Variants in TRIP10 observed in about 807,000 individuals in gnomAD.
The protein encoded by TRIP10 is thyroid hormone receptor interactor 10, also known as cdc42-interacting protein 4.
TRIP10 carries 54 observed loss-of-function variants against 80.9 expected under a neutral mutation model. The observed-to-expected ratio is 0.67, with a 90% confidence interval of 0.54 to 0.84. The LOEUF is 0.84. Ranked by LOEUF, TRIP10 falls within the 40% of genes least tolerant of loss-of-function variation. TRIP10 has a pLI of 0.00. For synonymous variants in TRIP10, 321 were observed against 307.2 expected (o/e 1.04, Z -0.47); for missense variants, 773 against 815.3 (o/e 0.95, Z 0.63).
Position 6,750,378 on chromosome 19 carries a change from T to TA in TRIP10, c.1483dup (p.Ser495LysfsTer20), listed in dbSNP as rs1969253707. Reference sequence around the variant, plus strand: ...ACGCCCGGCCTCCCGACCCCCCCGCTAGCGCCCCGCCAGACAGCAGCAGCA... The same window carrying TA: ...ACGCCCGGCCTCCCGACCCCCCCGCTAAGCGCCCCGCCAGACAGCAGCAGCA... On this transcript the variant is annotated frameshift_variant, in exon 13 of 15. Coordinates refer to ENST00000313244, the MANE Select transcript of TRIP10 (RefSeq NM_001288962.2). LOFTEE classifies it high-confidence loss of function. 1 of 1,613,810 alleles carries TA rather than the reference T, an allele frequency of 6.2e-7. No individual in the cohort carries two copies. The highest frequency in any genetic ancestry group is 1.1e-5 in the South Asian group (1 of 91,058).
In TRIP10 at chr19:6,740,991, C is replaced by T. The variant is rs1905106127; in HGVS notation, c.25-19C>T. ...ACCCCGGCCCCTCTCCCCTCCTCCC[C>T]CACCATGTCCCATGTCAGGATCAGT... is the stretch of plus-strand genomic sequence containing the variant. On this transcript the variant is annotated intron_variant, in intron 1 of 14. Transcript: ENST00000313244. The T allele has an allele frequency of 1.2e-6, 2 of 1,606,916 alleles. No homozygotes were observed. Among genetic ancestry groups the T allele is most frequent in the African/African-American group, 2.7e-5 (2 of 74,942 alleles).
rs1356489044 is a variant in TRIP10 at position 6,739,728 on chromosome 19, C to A, written c.-34C>A. ...GGCGGCGGGCGGCGGGGACCGGGTG[C>A]GGTGGTGGCTGCGGCGGCGGCGGCG... On this transcript the variant is annotated 5_prime_UTR_variant, in exon 1 of 15. Coordinates refer to ENST00000313244, the MANE Select transcript of TRIP10 (RefSeq NM_001288962.2). 4 of 1,341,688 alleles carry A rather than the reference C, an allele frequency of 3.0e-6. No individual in the cohort carries two copies. The highest frequency in any genetic ancestry group is 2.2e-5 in the South Asian group (1 of 46,364). The allele number at this position is 1,341,688 out of a possible 1,614,324, so 83.1% of individuals were successfully genotyped here. A position where few individuals can be genotyped will look rare whatever the true frequency, so the allele number is the denominator to read the frequency against.
rs1204214403 is a variant in TRIP10 at position 6,746,013 on chromosome 19, C to T, written c.985-16C>T. 37 of 1,017,644 alleles carry T rather than the reference C, an allele frequency of 3.6e-5. No homozygotes were observed. The highest frequency in any genetic ancestry group is 1.2e-4 in the East Asian group (3 of 25,868). The allele number at this position is 1,017,644 out of a possible 1,614,324, so 63.0% of individuals were successfully genotyped here. The stretch of plus-strand genomic sequence containing the variant: ...CACCCCTTCAACCTATCCCCCTCCC[C>T]GGCCCCCGCCGGTAGCCTCGCCCCC... On this transcript the variant is annotated splice_polypyrimidine_tract_variant and intron_variant, in intron 9 of 14. Transcript: ENST00000313244. The surrounding 1 kb of genome is among the most constrained non-coding windows in gnomAD (Gnocchi z 6.2).
Position 6,745,121 on chromosome 19 carries a change from CA to C in TRIP10, c.984+128del. The C allele has an allele frequency of 7.7e-7, 1 of 1,303,866 alleles. No individual in the cohort carries two copies. Among genetic ancestry groups the C allele is most frequent in the Non-Finnish European group, 1.0e-6 (1 of 984,180 alleles). The allele number at this position is 1,303,866 out of a possible 1,614,324, so 80.8% of individuals were successfully genotyped here. Reference sequence around the variant, plus strand: ...GGGCAGGAATTTTCCTCTTGGCTGCCAGCCCGGACTGGAGGGAAGGAAGGCG... The same window carrying C: ...GGGCAGGAATTTTCCTCTTGGCTGCCGCCCGGACTGGAGGGAAGGAAGGCG... On this transcript the variant is annotated intron_variant, in intron 9 of 14. Coordinates refer to ENST00000313244, the MANE Select transcript of TRIP10 (RefSeq NM_001288962.2). The surrounding 1 kb of genome is among the most constrained non-coding windows in gnomAD (Gnocchi z 7.2).
rs779956399 is a variant in TRIP10, at chr19:6,744,930, G to A, written c.920G>A (p.Arg307Gln). The A allele has an allele frequency of 2.0e-5, 33 of 1,614,012 alleles. No individual in the cohort carries two copies. The highest frequency in any genetic ancestry group is 8.3e-5 in the Admixed American group (5 of 60,008). Residue 307 changes from arginine to glutamine, a missense_variant, in exon 9 of 15, where the codon CGG becomes CAG. By Grantham distance (43) the Arg-to-Gln change is conservative. Transcript: ENST00000313244. The surrounding 1 kb of genome is among the most constrained non-coding windows in gnomAD (Gnocchi z 4.9). ...DSSLGTPSDGRPELRGPGRSR... is the reference protein window; with the variant it reads ...DSSLGTPSDGQPELRGPGRSR... ...AGTCTGGGCACCCCCTCGGATGGAC[G>A]GCCTGAACTCCGAGGCCCGGGTCGC...
At chr19:6,750,738 G>A (rs918011045) in intron 14 of TRIP10, 105 bp downstream of exon 14, 2 of 1,501,690 alleles carry the variant, frequency 1.3e-6, no homozygotes, top group Non-Finnish European at 1.8e-6. Context: ...GCTCAGGCTT[G>A]TAATCCCAGC....
At position 6,744,457 on chromosome 19, in the gene TRIP10, G is replaced by C; in HGVS notation, c.643-97G>C. ...CCCCTCCAGACTGGCTTGGGGCTGG[G>C]GCCAGCGTGGAGCGCGATCATATTT... On this transcript the variant is annotated intron_variant, in intron 7 of 14. Coordinates refer to ENST00000313244, the MANE Select transcript of TRIP10 (RefSeq NM_001288962.2). The surrounding 1 kb of genome is among the most constrained non-coding windows in gnomAD (Gnocchi z 4.9). 1 of 1,544,678 alleles carries C rather than the reference G, an allele frequency of 6.5e-7. No individual in the cohort carries two copies. Among genetic ancestry groups the C allele is most frequent in the Non-Finnish European group, 8.8e-7 (1 of 1,138,760 alleles).
Position 6,746,250 on chromosome 19 carries a change from G to C in TRIP10, c.1152+54G>C. On this transcript the variant is annotated intron_variant, in intron 10 of 14. Transcript: ENST00000313244. The surrounding 1 kb of genome is among the most constrained non-coding windows in gnomAD (Gnocchi z 6.2). ...TGGTGGCCCTAGCCTGCCCAGCGGC[G>C]GGTGGCGGGACCCTGGGCTCGCTTC... is the stretch of plus-strand genomic sequence containing the variant. 1 of 1,484,358 alleles carries C rather than the reference G, an allele frequency of 6.7e-7. No homozygotes were observed. The highest frequency in any genetic ancestry group is 9.0e-7 in the Non-Finnish European group (1 of 1,111,656). 91.9% of individuals were successfully genotyped at this position (1,484,358 alleles called of 1,614,324 possible). A position where few individuals can be genotyped will look rare whatever the true frequency, so the allele number is the denominator to read the frequency against.
rs968285929 is a variant in TRIP10 at position 6,745,271 on chromosome 19, C to G, written c.984+277C>G. On this transcript the variant is annotated intron_variant, in intron 9 of 14. Transcript: ENST00000313244. The surrounding 1 kb of genome is among the most constrained non-coding windows in gnomAD (Gnocchi z 7.2). ...GAAAACCTGCTGGTGGAATTCAGGG[C>G]TGGCCTGAGGGCTGGTGACACCATC... The G allele has an allele frequency of 5.9e-6, 3 of 505,416 alleles. No individual in the cohort carries two copies. Among genetic ancestry groups the G allele is most frequent in the African/African-American group, 5.9e-5 (3 of 51,226 alleles). The allele number at this position is 505,416 out of a possible 1,614,324, so 31.3% of individuals were successfully genotyped here. A position where few individuals can be genotyped will look rare whatever the true frequency, so the allele number is the denominator to read the frequency against.
chr19:6,746,363 G>A lies in TRIP10; in HGVS notation c.1153-89G>A. ...GGCTTCGCTGTCAAGAACCATGGCT[G>A]GGGAAGGGAGTGAAATATCTCAGAC... On this transcript the variant is annotated intron_variant, in intron 10 of 14. Coordinates refer to ENST00000313244, the MANE Select transcript of TRIP10 (RefSeq NM_001288962.2). The surrounding 1 kb of genome is among the most constrained non-coding windows in gnomAD (Gnocchi z 6.2). 6.4e-7 allele frequency: 1 copy of A among 1,563,566 alleles called. No individual in the cohort carries two copies. The highest frequency in any genetic ancestry group is 1.3e-5 in the African/African-American group (1 of 74,392).
rs1188281959 is a variant in TRIP10, at chr19:6,742,973, C to T, written c.204C>T (p.Ser68=). 1 of 1,613,976 alleles carries T rather than the reference C, an allele frequency of 6.2e-7. No homozygotes were observed. Among genetic ancestry groups the T allele is most frequent in the South Asian group, 1.1e-5 (1 of 91,036 alleles). ...PAKDDPESKF[S]QQQSFVQILQ... ...GATTCTCATCCAACCCCAGATTCAG[C>T]CAGCAACAGTCCTTCGTACAGATTC... The change falls in exon 4 of 15, where the codon AGC becomes AGT. Residue 68 remains serine, a synonymous_variant. Transcript: ENST00000313244.
chr19:6,745,127 G>C lies in TRIP10; in HGVS notation c.984+133G>C, dbSNP rs1812397. ...GAATTTTCCTCTTGGCTGCCAGCCC[G>C]GACTGGAGGGAAGGAAGGCGGCCGA... is the stretch of plus-strand genomic sequence containing the variant. On this transcript the variant is annotated intron_variant, in intron 9 of 14. Coordinates refer to ENST00000313244, the MANE Select transcript of TRIP10 (RefSeq NM_001288962.2). The surrounding 1 kb of genome is among the most constrained non-coding windows in gnomAD (Gnocchi z 7.2). 1.6e-6 allele frequency: 2 copies of C among 1,254,154 alleles called. No individual in the cohort carries two copies. Among genetic ancestry groups the C allele is most frequent in the East Asian group, 2.6e-5 (1 of 38,004 alleles). The allele number at this position is 1,254,154 out of a possible 1,614,324, so 77.7% of individuals were successfully genotyped here. A position where few individuals can be genotyped will look rare whatever the true frequency, so the allele number is the denominator to read the frequency against.
intron 1 of TRIP10, 173 bp from the exon 2 acceptor site, chr19:6,740,837 T>C (rs1968893378): frequency 3.5e-6 from 2 of 571,538 alleles, no homozygotes; most frequent in Middle Eastern, 4.7e-4. Context: ...GGGGAGGGGG[T>C]TCCCGCCAGT....
At position 6,744,011 on chromosome 19, in the gene TRIP10, T is replaced by A; in HGVS notation, c.642+175T>A. 1 of 870,448 alleles carries A rather than the reference T, an allele frequency of 1.1e-6. No individual in the cohort carries two copies. The highest frequency in any genetic ancestry group is 1.7e-6 in the Non-Finnish European group (1 of 573,702). 53.9% of individuals were successfully genotyped at this position (870,448 alleles called of 1,614,324 possible). A position where few individuals can be genotyped will look rare whatever the true frequency, so the allele number is the denominator to read the frequency against. ...AGTCAGCTGTTCTTCCTGCTGGGCA[T>A]GCCTTTTACTTGTTTGTTTATTTAC... On this transcript the variant is annotated intron_variant, in intron 7 of 14. Coordinates refer to ENST00000313244, the MANE Select transcript of TRIP10 (RefSeq NM_001288962.2). The surrounding 1 kb of genome is among the most constrained non-coding windows in gnomAD (Gnocchi z 4.9).
Position 6,745,910 on chromosome 19 carries a change from T to C in TRIP10, c.985-119T>C, listed in dbSNP as rs1379315850. ...CCATTTTGTTTTTCCTTTTTCCTTT[T>C]TTTGCGTCCATCCGTCCATCCGTGC... On this transcript the variant is annotated intron_variant, in intron 9 of 14. Coordinates refer to ENST00000313244, the MANE Select transcript of TRIP10 (RefSeq NM_001288962.2). The surrounding 1 kb of genome is among the most constrained non-coding windows in gnomAD (Gnocchi z 7.2). 4.7e-6 allele frequency: 6 copies of C among 1,264,326 alleles called. No individual in the cohort carries two copies. The highest frequency in any genetic ancestry group is 6.0e-6 in the Non-Finnish European group (6 of 1,002,250). 78.3% of individuals were successfully genotyped at this position (1,264,326 alleles called of 1,614,324 possible). A position where few individuals can be genotyped will look rare whatever the true frequency, so the allele number is the denominator to read the frequency against.
chr19:6,751,487 A>G lies in TRIP10; in HGVS notation c.*276A>G, dbSNP rs934781742. ...ATTTTGTTTTATACAAAAATGGGAA[A>G]AAAAAAAAAGAAATTATATAAAGTT... On this transcript the variant is annotated 3_prime_UTR_variant, in exon 15 of 15. Transcript: ENST00000313244. 1.7e-5 allele frequency: 12 copies of G among 689,814 alleles called. 1 individual carries two copies. The South Asian group carries it at 7.0e-4, about 40-fold the overall frequency. 42.7% of individuals were successfully genotyped at this position (689,814 alleles called of 1,614,324 possible).
rs551511013 is a variant in TRIP10, at chr19:6,751,451, C to T, written c.*240C>T. 271 of 1,001,216 alleles carry T rather than the reference C, an allele frequency of 2.7e-4. 4 individuals are homozygous for T. In the East Asian group the frequency reaches 7.6e-3, roughly 28 times the overall value. The allele number at this position is 1,001,216 out of a possible 1,614,324, so 62.0% of individuals were successfully genotyped here. On this transcript the variant is annotated 3_prime_UTR_variant, in exon 15 of 15. Transcript: ENST00000313244. ...TTTTACATCTTTTCTTTCTGCCGCT[C>T]GGCTCCGGCCATTTTGTTTTATACA...
rs1969067777 is a variant in TRIP10, at chr19:6,745,055, C to T, written c.984+61C>T. The stretch of plus-strand genomic sequence containing the variant: ...GGACAGTGAAGTGGGGACAGTGGGG[C>T]CCCTATTGAGTCAGCCCCAGCCGCC... On this transcript the variant is annotated intron_variant, in intron 9 of 14. Transcript: ENST00000313244. The surrounding 1 kb of genome is among the most constrained non-coding windows in gnomAD (Gnocchi z 7.2). The T allele has an allele frequency of 1.9e-6, 3 of 1,551,664 alleles. No individual in the cohort carries two copies. Among genetic ancestry groups the T allele is most frequent in the Non-Finnish European group, 1.7e-6 (2 of 1,150,700 alleles).
Position 6,745,415 on chromosome 19 carries a change from C to A in TRIP10, c.984+421C>A, listed in dbSNP as rs1890870022. 6.6e-6 allele frequency among the ~76,000 whole-genome samples: 1 copy of A among 152,074 alleles called. No homozygotes were observed. Among genetic ancestry groups the A allele is most frequent in the Non-Finnish European group, 1.5e-5 (1 of 67,996 alleles). ...TATACCTTAGCACCCTTGGTTTATA[C>A]CTTTGATTTATACTTTGGGTCCCTC... On this transcript the variant is annotated intron_variant, in intron 9 of 14. Transcript: ENST00000313244. This position sits in a 1 kb window ranked among gnomAD's most constrained non-coding sequence, Gnocchi z 7.2.
Sources: gnomAD v4.1 joint callset for allele counts (sites outside exome capture counted in the v4.1 genomes callset) on GRCh38, gnomAD v4.1.1 for gene constraint, Gnocchi (gnomAD v3.1) non-coding constraint, MANE v1.5 for transcripts, NCBI Gene and HGNC (gene_info 2026-07-23, HGNC 2026-07-21) for gene names.